The following MYL12A variants were observed in gnomAD, a reference collection of about 807,000 sequenced individuals.
The protein encoded by MYL12A is myosin regulatory light chain 12A.
Under a neutral mutation model 13.3 loss-of-function variants are expected in MYL12A, and 11 were observed. The ratio of observed to expected loss-of-function variants is 0.83; its 90% CI spans 0.52 to 1.37. The LOEUF is 1.37. Ranked by LOEUF, MYL12A falls within the 40% of genes most tolerant of loss-of-function variation. The pLI, the probability that MYL12A is intolerant of heterozygous loss-of-function variation, is 0.00. For missense variants in MYL12A, 146 were observed against 212.3 expected, an observed-to-expected ratio of 0.69 and a Z score of 1.94; for synonymous variants, 51 against 69.9, an observed-to-expected ratio of 0.73 and a Z score of 1.35.
intron 3 of MYL12A, among the ~76,000 whole-genome samples, chr18:3,254,841 A>G (rs2081521195): frequency 1.3e-5 from 2 of 152,268 alleles, no homozygotes; most frequent in South Asian, 4.1e-4. Flanking sequence ...GGAAGGCACA[A>G]TCTTTGGTTG....
At chr18:3,253,566 C>T in intron 2 of MYL12A, 138 bp downstream of exon 2, 1 of 1,126,230 alleles carries the variant, frequency 8.9e-7, no homozygotes, top group South Asian at 1.6e-5. Context: ...AACAGTGTTT[C>T]CCACCGGATC....
Position 3,255,940 on chromosome 18 carries a change from A to G in MYL12A, c.*22A>G. 1.2e-6 allele frequency: 2 copies of G among 1,611,106 alleles called. No individual in the cohort carries two copies. The highest frequency in any genetic ancestry group is 1.7e-6 in the Non-Finnish European group (2 of 1,178,492). On this transcript the variant is annotated 3_prime_UTR_variant, in exon 4 of 4. Transcript: ENST00000217652. Reference sequence around the variant, plus strand: ...CTGAAATAACTTCAAATTCCAGCCAAACGTTCCTTGTTGCCACTTTGGGTA... The same window carrying G: ...CTGAAATAACTTCAAATTCCAGCCAGACGTTCCTTGTTGCCACTTTGGGTA...
rs541947403 is a variant in MYL12A at position 3,251,182 on chromosome 18, A to G, written c.-15-2051A>G. 8.5e-5 allele frequency among the ~76,000 whole-genome samples: 13 copies of G among 152,074 alleles called. No homozygotes were observed. The South Asian group carries it at 1.7e-3, about 19-fold the overall frequency. ...CTTTTTTACTTTAAAAATCTATTTT[A>G]TAATACATTTACAATTCAAAAAAGT... On this transcript the variant is annotated intron_variant, in intron 1 of 3. Coordinates refer to ENST00000217652, the MANE Select transcript of MYL12A (RefSeq NM_006471.4).
intron 1 of MYL12A, chr18:3,252,282 AGCGGTTTT>A (rs2081493796): frequency 2.0e-6 from 3 of 1,502,420 alleles, no homozygotes; most frequent in Non-Finnish European, 2.7e-6. Flanking sequence ...TTTGCTGCTG[AGCGGTTTT>A]GCAGACTACC....
At chr18:3,248,356 C>T (rs1398681089) in intron 1 of MYL12A, 3 of 152,194 alleles carry the variant, frequency 2.0e-5, no homozygotes, top group Non-Finnish European at 2.9e-5. Flanking sequence ...GTATCCGCTC[C>T]TGTAATTAGA....
At chr18:3,253,495 T>C (rs1483606684) in intron 2 of MYL12A, 67 bp downstream of exon 2, 4 of 1,560,424 alleles carry the variant, frequency 2.6e-6, no homozygotes, top group African/African-American at 2.7e-5. Context: ...CTTGATTTCA[T>C]GAGTCTTAAA....
intron 2 of MYL12A, 78 bp downstream of exon 2, chr18:3,253,506 G>A: frequency 6.6e-7 from 1 of 1,511,706 alleles, no homozygotes; most frequent in Non-Finnish European, 9.0e-7. Context: ...GAGTCTTAAA[G>A]CTCTGTAAAG....
intron 1 of MYL12A, among the ~76,000 whole-genome samples, chr18:3,250,794 T>A (rs553813125): frequency 6.6e-6 from 1 of 152,204 alleles, no homozygotes; most frequent in African/African-American, 2.4e-5. Flanking sequence ...CTCAGAAACA[T>A]CTTTTCTGAA....
intron 1 of MYL12A, among the ~76,000 whole-genome samples, chr18:3,251,327 T>C (rs2144325687): frequency 6.8e-6 from 1 of 147,580 alleles, no homozygotes; most frequent in African/African-American, 2.5e-5. Flanking sequence ...TATGAGATTT[T>C]ATATAATAGA....
At chr18:3,254,999 G>A (rs1334113992) in intron 3 of MYL12A, among the ~76,000 whole-genome samples, 1 of 152,206 alleles carries the variant, frequency 6.6e-6, no homozygotes, top group Non-Finnish European at 1.5e-5. Flanking sequence ...TAAATCGGGT[G>A]ACATCAGATT....
In MYL12A at chr18:3,255,883, A is replaced by T; in HGVS notation, c.481A>T (p.Ile161Phe). Residue 161 changes from isoleucine (I) to phenylalanine (F), a missense_variant, in exon 4 of 4, where the codon ATC becomes TTC. Transcript: ENST00000217652. ...GNFNYIEFTRILKHGAKDKDD is the reference protein window; with the variant it reads ...GNFNYIEFTRFLKHGAKDKDD ...TTTCAATTACATCGAGTTCACACGC[A>T]TCCTGAAACATGGAGCCAAAGACAA... 1 of 1,614,008 alleles carries T rather than the reference A, an allele frequency of 6.2e-7. No individual in the cohort carries two copies. The highest frequency in any genetic ancestry group is 8.5e-7 in the Non-Finnish European group (1 of 1,179,994).
At chr18:3,250,691 G>C (rs6506088) in intron 1 of MYL12A, among the ~76,000 whole-genome samples, 128,801 of 152,210 alleles carry the variant, frequency 0.85, 54,575 homozygotes, top group East Asian at 0.94. Flanking sequence ...GAGACTAACA[G>C]CCGAATCTCT....
intron 1 of MYL12A, chr18:3,249,405 A>C (rs1434967615): frequency 6.6e-6 from 1 of 152,158 alleles, no homozygotes; most frequent in African/African-American, 2.4e-5. Flanking sequence ...AACCAGATTC[A>C]TTGCCACCAG....
chr18:3,254,161 T>C, intron 3 of MYL12A, 111 bp downstream of exon 3: 1 of 1,216,492 alleles, frequency 8.2e-7, no homozygotes, highest in Non-Finnish European at 1.1e-6. Flanking sequence ...ACTACACCTA[T>C]TTTTTTAGAC....
chr18:3,253,895 A>C lies in MYL12A; in HGVS notation c.188A>C (p.Asn63Thr). ...ACCCCTTTTAAAAATTTAGGGAAGA[A>C]TCCAACTGATGAGTATCTAGATGCC... ...LHDMLASLGK[N>T]PTDEYLDAMM... The change falls in exon 3 of 4, where the codon AAT (asparagine) becomes ACT (threonine). Residue 63 changes from asparagine (N) to threonine (T), a missense_variant. Physicochemically the swap from Asn to Thr is moderately conservative, Grantham distance 65. Transcript: ENST00000217652. 1 of 1,598,712 alleles carries C rather than the reference A, an allele frequency of 6.3e-7. No homozygotes were observed. The highest frequency in any genetic ancestry group is 8.5e-7 in the Non-Finnish European group (1 of 1,176,300).
chr18:3,255,666 T>G, intron 3 of MYL12A, 80 bp from the exon 4 acceptor site: 2 of 1,475,282 alleles, frequency 1.4e-6, no homozygotes, highest in Non-Finnish European at 9.1e-7. Flanking sequence ...ATACAGAACA[T>G]GCTTAGTCAA....
chr18:3,255,934 C>T lies in MYL12A; in HGVS notation c.*16C>T, dbSNP rs1256278342. On this transcript the variant is annotated 3_prime_UTR_variant, in exon 4 of 4. Transcript: ENST00000217652. ...AGATGACTGAAATAACTTCAAATTC[C>T]AGCCAAACGTTCCTTGTTGCCACTT... 1.2e-6 allele frequency: 2 copies of T among 1,612,144 alleles called. No homozygotes were observed. The highest frequency in any genetic ancestry group is 1.7e-5 in the Admixed American group (1 of 59,762).
chr18:3,253,893 G>A lies in MYL12A; in HGVS notation c.186G>A (p.Lys62=). ...DLHDMLASLG[K]NPTDEYLDAM... ...TGACCCCTTTTAAAAATTTAGGGAAGAATCCAACTGATGAGTATCTAGATG... is the reference window on the plus strand; with the variant it reads ...TGACCCCTTTTAAAAATTTAGGGAAAAATCCAACTGATGAGTATCTAGATG... Residue 62 remains lysine, a synonymous_variant, in exon 3 of 4, where the codon AAG becomes AAA. Transcript: ENST00000217652. 2 of 1,597,428 alleles carry A rather than the reference G, an allele frequency of 1.3e-6. No individual in the cohort carries two copies. The highest frequency in any genetic ancestry group is 1.1e-5 in the South Asian group (1 of 87,604).
chr18:3,253,106 A>G (rs2081502756), intron 1 of MYL12A, 127 bp from the exon 2 acceptor site: 2 of 1,012,932 alleles, frequency 2.0e-6, no homozygotes, highest in Non-Finnish European at 2.9e-6. Context: ...CTAAAGACAC[A>G]TTTCTGAGTA....
Sources: gnomAD v4.1 joint callset for allele counts (sites outside exome capture counted in the v4.1 genomes callset) on GRCh38, gnomAD v4.1.1 for gene constraint, MANE v1.5 for transcripts, NCBI Gene and HGNC (gene_info 2026-07-23, HGNC 2026-07-21) for gene names.